Variants in CREM observed in about 807,000 individuals in gnomAD.
The protein encoded by CREM is cAMP-responsive element modulator.
CREM carries 13 observed loss-of-function variants against 37.3 expected under a neutral mutation model. The observed-to-expected ratio is 0.35, with a 90% CI of 0.23 to 0.55. The LOEUF (loss-of-function observed/expected upper bound fraction) is 0.55, where lower values mean the gene tolerates loss of function less well. CREM is among the 20% of genes least tolerant of loss of function. The pLI, the probability that CREM is intolerant of heterozygous loss-of-function variation, is 0.88. For missense variants in CREM, 296 were observed against 362.3 expected (o/e 0.82, Z 1.49); for synonymous variants, 124 against 120.2 (o/e 1.03, Z -0.21).
intron 3 of CREM, among the ~76,000 whole-genome samples, chr10:35,170,911 G>A (rs1194715528): frequency 6.6e-6 from 1 of 152,096 alleles, no homozygotes; most frequent in Admixed American, 6.6e-5. Context: ...CCAGATATAA[G>A]AGTTTTCTTT....
chr10:35,171,549 C>T (rs999457450), intron 3 of CREM, among the ~76,000 whole-genome samples: 1 of 152,118 alleles, frequency 6.6e-6, no homozygotes, highest in Non-Finnish European at 1.5e-5. Flanking sequence ...ATGATTTATG[C>T]CTATCAGATG....
intron 3 of CREM, among the ~76,000 whole-genome samples, chr10:35,149,304 G>A (rs2092401014): frequency 6.6e-6 from 1 of 152,168 alleles, no homozygotes; most frequent in African/African-American, 2.4e-5. Flanking sequence ...CGAAGAGTGT[G>A]CACAGAGGCA....
chr10:35,204,924 A>G (rs200428619), intron 6 of CREM, among the ~76,000 whole-genome samples: 1 of 152,200 alleles, frequency 6.6e-6, no homozygotes, highest in East Asian at 1.9e-4. Flanking sequence ...TTCACTTCTT[A>G]TTCATTGGGT....
intron 6 of CREM, among the ~76,000 whole-genome samples, chr10:35,204,379 A>G (rs1418872575): frequency 6.6e-6 from 1 of 152,176 alleles, no homozygotes; most frequent in African/African-American, 2.4e-5. Context: ...AGGCAGGCAG[A>G]TCACGAGGTC....
At chr10:35,167,370 A>C in intron 3 of CREM, 1 of 204,814 alleles carries the variant, frequency 4.9e-6, no homozygotes, top group African/African-American at 2.3e-5. Context: ...TGTAGTCCTT[A>C]AACTAGGTAG....
At chr10:35,169,320 T>C (rs890970960) in intron 3 of CREM, among the ~76,000 whole-genome samples, 2 of 152,304 alleles carry the variant, frequency 1.3e-5, no homozygotes, top group African/African-American at 4.8e-5. Context: ...TCACATCCCT[T>C]GTAAGTTGGA....
At chr10:35,194,901 CATTATTATTATT>C (rs113909710) in intron 6 of CREM, among the ~76,000 whole-genome samples, 1 of 149,610 alleles carries the variant, frequency 6.7e-6, no homozygotes, top group African/African-American at 2.5e-5. Context: ...CTAAAAGAGA[CATTATTATTATT>C]ATTATTATTA....
At chr10:35,137,392 T>G (rs966878264) in intron 1 of CREM, among the ~76,000 whole-genome samples, 1 of 152,178 alleles carries the variant, frequency 6.6e-6, no homozygotes, top group African/African-American at 2.4e-5. Flanking sequence ...ATTAATTTTA[T>G]TAAGTGATCA....
At chr10:35,178,282 C>T (rs2133107561) in intron 3 of CREM, among the ~76,000 whole-genome samples, 1 of 152,290 alleles carries the variant, frequency 6.6e-6, no homozygotes, top group South Asian at 2.1e-4. Flanking sequence ...TGATCTTTCT[C>T]TTAAGGAGAA....
At chr10:35,175,403 G>A (rs1402822966) in intron 3 of CREM, among the ~76,000 whole-genome samples, 1 of 151,976 alleles carries the variant, frequency 6.6e-6, no homozygotes, top group Non-Finnish European at 1.5e-5. Context: ...CCAAGATCAC[G>A]CCACTGCACT....
chr10:35,131,914 T>C (rs2089452344), intron 1 of CREM, among the ~76,000 whole-genome samples: 1 of 152,090 alleles, frequency 6.6e-6, no homozygotes, highest in African/African-American at 2.4e-5. Flanking sequence ...TTCAAAAGTT[T>C]AAAAATTTGG....
chr10:35,158,797 T>G (rs1392821548), intron 3 of CREM, among the ~76,000 whole-genome samples: 1 of 130,858 alleles, frequency 7.6e-6, no homozygotes, highest in East Asian at 2.2e-4. Flanking sequence ...GCAAATATAG[T>G]GTTTTTTTTT....
At chr10:35,202,624 A>G (rs899985004) in intron 6 of CREM, among the ~76,000 whole-genome samples, 2 of 152,228 alleles carry the variant, frequency 1.3e-5, no homozygotes, top group African/African-American at 4.8e-5. Context: ...GAATTTGTCC[A>G]TCGACCATTA....
chr10:35,188,815 G>A (rs1457453865), intron 6 of CREM, among the ~76,000 whole-genome samples: 5 of 151,752 alleles, frequency 3.3e-5, no homozygotes, highest in Non-Finnish European at 7.4e-5. Flanking sequence ...GAGCCACCAC[G>A]CCTGGCTAAT....
intron 3 of CREM, among the ~76,000 whole-genome samples, chr10:35,159,748 G>A (rs2093170571): frequency 6.6e-6 from 1 of 152,130 alleles, no homozygotes; most frequent in South Asian, 2.1e-4. Flanking sequence ...CTTCCCCACA[G>A]CAAAGGAAAC....
intron 6 of CREM, among the ~76,000 whole-genome samples, chr10:35,205,229 T>C (rs1436628891): frequency 6.6e-6 from 1 of 152,240 alleles, no homozygotes; most frequent in Non-Finnish European, 1.5e-5. Flanking sequence ...ATTAGGAAAC[T>C]TTGAGAACTT....
intron 3 of CREM, among the ~76,000 whole-genome samples, chr10:35,149,185 G>T (rs1327543623): frequency 6.6e-6 from 1 of 152,126 alleles, no homozygotes; most frequent in African/African-American, 2.4e-5. Flanking sequence ...ACAGAAGAGG[G>T]AGCAGCCAGC....
At position 35,168,285 on chromosome 10, in the gene CREM, C is replaced by T. The variant is rs922297103; in HGVS notation, c.169-10604C>T. 1.4e-4 allele frequency among the ~76,000 whole-genome samples: 22 copies of T among 152,270 alleles called. No individual in the cohort carries two copies. In the East Asian group the frequency reaches 1.9e-3, roughly 13 times the overall value. ...TGTTGTTTCCTGACTTTTTAATGAT[C>T]GCCATTCTAACTGGTGTGAGATGGT... On this transcript the variant is annotated intron_variant, in intron 3 of 7. Coordinates refer to ENST00000685392, the MANE Select transcript of CREM (RefSeq NM_183011.2).
chr10:35,206,905 T>C lies in CREM; in HGVS notation c.609T>C (p.Gly203=), dbSNP rs2095538571. 1 of 1,613,554 alleles carries C rather than the reference T, an allele frequency of 6.2e-7. No homozygotes were observed. The highest frequency in any genetic ancestry group is 1.3e-5 in the African/African-American group (1 of 74,904). Residue 203 remains glycine, a synonymous_variant, in exon 7 of 8, where the codon GGT becomes GGC. Transcript: ENST00000685392. The stretch of plus-strand genomic sequence containing the variant: ...TTTGTTTTACTGCAGCTGCCACTGG[T>C]GACATGCCAACTTACCAGATCCGAG... The part of the protein sequence containing the change: ...GSQVVVQAAT[G]DMPTYQIRAP...
Sources: allele counts gnomAD v4.1 joint callset (sites outside exome capture counted in the v4.1 genomes callset), GRCh38; gene constraint gnomAD v4.1.1; transcripts MANE v1.5; gene names NCBI Gene and HGNC (gene_info 2026-07-23, HGNC 2026-07-21).